KLF12: variants seen among roughly 807,000 people sequenced by gnomAD.
KLF12 encodes KLF transcription factor 12.
KLF12 carries 9 observed loss-of-function variants against 37.8 expected under a neutral mutation model. The ratio of observed to expected loss-of-function variants is 0.24; its 90% CI spans 0.14 to 0.42. KLF12 has a LOEUF of 0.42. KLF12 is among the 10% of genes least tolerant of loss of function. The pLI is 1.00. For synonymous variants in KLF12, 208 were observed against 202.1 expected, an observed-to-expected ratio of 1.03 and a Z score of -0.25; for missense variants, 411 against 516.0, an observed-to-expected ratio of 0.80 and a Z score of 1.97.
At chr13:74,275,868 A>ATCTT in the KLF12 span, among the ~76,000 whole-genome samples, 1 of 67,434 alleles carries the variant, frequency 1.5e-5, no homozygotes, top group Non-Finnish European at 3.0e-5. Flanking sequence ...CTTTCTTTCT[A>ATCTT]TCTTTCTTTC....
the KLF12 span, among the ~76,000 whole-genome samples, chr13:74,181,394 A>G: frequency 6.7e-6 from 1 of 149,196 alleles, no homozygotes; most frequent in Non-Finnish European, 1.5e-5. Flanking sequence ...CAGAAAATTG[A>G]GAATGAGGCT....
chr13:73,980,862 T>C (rs1891672573), intron 2 of KLF12, among the ~76,000 whole-genome samples: 1 of 152,122 alleles, frequency 6.6e-6, no homozygotes, highest in Admixed American at 6.5e-5. Flanking sequence ...AACAGTACTA[T>C]TTAGGAACTG....
intron 7 of KLF12, among the ~76,000 whole-genome samples, chr13:73,705,604 A>G (rs1210567431): frequency 3.3e-5 from 5 of 152,216 alleles, no homozygotes; most frequent in Non-Finnish European, 7.3e-5. Flanking sequence ...TGATGAATCT[A>G]TGTTCTATCA....
intron 2 of KLF12, among the ~76,000 whole-genome samples, chr13:73,976,595 GT>G (rs1891530488): frequency 6.6e-6 from 1 of 152,110 alleles, no homozygotes; most frequent in East Asian, 1.9e-4. Context: ...AGAAGCCCAT[GT>G]CATCTTTGCA....
chr13:74,147,585 G>T, the KLF12 span, among the ~76,000 whole-genome samples: 2 of 152,256 alleles, frequency 1.3e-5, no homozygotes, highest in Admixed American at 6.5e-5. Context: ...GTTTCGAAAT[G>T]CTCCTTTGGG....
chr13:74,216,991 TC>T, the KLF12 span, among the ~76,000 whole-genome samples: 10 of 152,166 alleles, frequency 6.6e-5, no homozygotes, highest in African/African-American at 2.2e-4. Context: ...TTCTTCCATA[TC>T]CCCCAGGAGA....
chr13:73,797,543 G>A (rs544832513), intron 5 of KLF12, among the ~76,000 whole-genome samples: 34 of 152,270 alleles, frequency 2.2e-4, no homozygotes, highest in Admixed American at 4.6e-4. Context: ...GCTGAGACAG[G>A]AGAATCACTT....
At chr13:74,002,356 CTTAT>C (rs1227808480) in intron 1 of KLF12, among the ~76,000 whole-genome samples, 1 of 152,158 alleles carries the variant, frequency 6.6e-6, no homozygotes, top group Non-Finnish European at 1.5e-5. Flanking sequence ...AAATTATTTT[CTTAT>C]TTATTTACTT....
In KLF12 at chr13:73,865,245, C is replaced by T. The variant is rs1412722558; in HGVS notation, c.124-18872G>A. On this transcript the variant is annotated intron_variant, in intron 3 of 7. Coordinates refer to ENST00000377669, the MANE Select transcript of KLF12 (RefSeq NM_007249.5). Reference sequence around the variant, plus strand: ...TTGTTTCAAAAACCACATTAAACTGCAAATCTTTTTCATGAGGAGCTTTAT... The same window carrying T: ...TTGTTTCAAAAACCACATTAAACTGTAAATCTTTTTCATGAGGAGCTTTAT... 2.0e-5 allele frequency among the ~76,000 whole-genome samples: 3 copies of T among 151,968 alleles called. No homozygotes were observed. The South Asian group carries it at 6.2e-4, about 31-fold the overall frequency.
the KLF12 span, among the ~76,000 whole-genome samples, chr13:74,200,171 A>G: frequency 2.1e-5 from 3 of 142,444 alleles, no homozygotes; most frequent in East Asian, 6.6e-4. Context: ...GACATGGCTA[A>G]CCTTTTCTAA....
chr13:74,015,173 A>G (rs1329011989), intron 1 of KLF12, among the ~76,000 whole-genome samples: 3 of 152,092 alleles, frequency 2.0e-5, no homozygotes, highest in Non-Finnish European at 2.9e-5. Flanking sequence ...GTATCCTGCA[A>G]CTCTTACTAT....
the KLF12 span, among the ~76,000 whole-genome samples, chr13:74,269,224 A>G: frequency 0.43 from 65,585 of 152,056 alleles, 17,016 homozygotes; most frequent in East Asian, 0.75. Flanking sequence ...AGGCATATTC[A>G]TCTTCATGAT....
chr13:74,007,611 A>G (rs1055347139), intron 1 of KLF12, among the ~76,000 whole-genome samples: 3 of 152,132 alleles, frequency 2.0e-5, no homozygotes, highest in Admixed American at 6.5e-5. Context: ...AATACAGCTA[A>G]TGTCGGAGGT....
Position 74,133,837 on chromosome 13 carries a change from A to G in KLF12, c.-130T>C, listed in dbSNP as rs1009669455. ...CTCTCTCTCACACGCGCGCGCGCACACACACACACACACTCGCACACACAC... is the reference window on the plus strand; with the variant it reads ...CTCTCTCTCACACGCGCGCGCGCACGCACACACACACACTCGCACACACAC... On this transcript the variant is annotated 5_prime_UTR_variant, in exon 1 of 8. Transcript: ENST00000377669. 7.9e-3 allele frequency among the ~76,000 whole-genome samples: 1,145 copies of G among 145,538 alleles called. 5 individuals are homozygous for G. The highest frequency in any genetic ancestry group is 0.026 in the African/African-American group (1,023 of 39,750).
At chr13:74,111,840 G>A (rs1161228275) in intron 1 of KLF12, among the ~76,000 whole-genome samples, 2 of 152,112 alleles carry the variant, frequency 1.3e-5, no homozygotes, top group South Asian at 4.1e-4. Context: ...TGAAAGATAT[G>A]TTTTTAAAAG....
At chr13:74,179,306 A>G in the KLF12 span, among the ~76,000 whole-genome samples, 8 of 152,220 alleles carry the variant, frequency 5.3e-5, no homozygotes, top group Non-Finnish European at 1.2e-4. Flanking sequence ...GAATAAAACC[A>G]TGAGGTGACT....
intron 2 of KLF12, among the ~76,000 whole-genome samples, chr13:73,979,082 C>A (rs756301976): frequency 1.3e-5 from 2 of 152,128 alleles, no homozygotes; most frequent in Admixed American, 1.3e-4. Context: ...GAAACTATAT[C>A]AGAGGATATG....
chr13:73,882,379 G>A (rs1887022788), intron 3 of KLF12, among the ~76,000 whole-genome samples: 1 of 152,114 alleles, frequency 6.6e-6, no homozygotes, highest in Non-Finnish European at 1.5e-5. Flanking sequence ...GACAGACGTG[G>A]AATATACAAA....
At chr13:73,970,956 GA>G (rs199662407) in intron 2 of KLF12, among the ~76,000 whole-genome samples, 44 of 150,572 alleles carry the variant, frequency 2.9e-4, no homozygotes, top group Admixed American at 1.3e-3. Context: ...CAGCTGCAAA[GA>G]AAAAAAAATG....
Sources: allele counts gnomAD v4.1 joint callset (sites outside exome capture counted in the v4.1 genomes callset), GRCh38; gene constraint gnomAD v4.1.1; transcripts MANE v1.5; gene names NCBI Gene and HGNC (gene_info 2026-07-23, HGNC 2026-07-21).